CAMTA1: variants seen among roughly 807,000 people sequenced by gnomAD.
The protein encoded by CAMTA1 is calmodulin-binding transcription activator 1.
A neutral mutation model predicts 170.9 loss-of-function variants in CAMTA1; 27 were observed. The observed-to-expected ratio is 0.16, with a 90% CI of 0.12 to 0.22. The LOEUF (loss-of-function observed/expected upper bound fraction) is 0.22, where lower values mean the gene tolerates loss of function less well. Ranked by LOEUF, CAMTA1 falls within the 10% of genes least tolerant of loss-of-function variation. CAMTA1 has a pLI of 1.00. For synonymous variants in CAMTA1, 833 were observed against 891.5 expected, an observed-to-expected ratio of 0.93 and a Z score of 1.17; for missense variants, 1,619 against 2,217.2, an observed-to-expected ratio of 0.73 and a Z score of 5.42.
intron 6 of CAMTA1, among the ~76,000 whole-genome samples, chr1:7,579,948 C>T (rs1359838352): frequency 3.3e-5 from 5 of 152,234 alleles, no homozygotes; most frequent in Non-Finnish European, 4.4e-5. Context: ...AGATCTGGGT[C>T]GTGGCACCCA....
intron 5 of CAMTA1, among the ~76,000 whole-genome samples, chr1:7,372,145 T>C (rs558938607): frequency 1.3e-5 from 2 of 152,302 alleles, no homozygotes; most frequent in Non-Finnish European, 2.9e-5. Flanking sequence ...GGGTTGAGGC[T>C]GCCAGGCTTA....
Position 7,041,706 on chromosome 1 carries a change from G to A in CAMTA1, c.235-49598G>A, listed in dbSNP as rs931913590. Among the ~76,000 whole-genome samples the A allele has an allele frequency of 3.3e-5, 5 of 152,190 alleles. No homozygotes were observed. Among genetic ancestry groups the A allele is most frequent in the Non-Finnish European group, 7.3e-5 (5 of 68,032 alleles). On this transcript the variant is annotated intron_variant, in intron 3 of 22. Transcript: ENST00000303635. This position sits in a 1 kb window ranked among gnomAD's most constrained non-coding sequence, Gnocchi z 5.1. Reference sequence around the variant, plus strand: ...CAGAAAGGTTTGCTGACGTCTCCTCGTAGATAAAGGAAAATTGAGACGATA... The same window carrying A: ...CAGAAAGGTTTGCTGACGTCTCCTCATAGATAAAGGAAAATTGAGACGATA...
chr1:7,419,047 C>T (rs1277489220), intron 5 of CAMTA1, among the ~76,000 whole-genome samples: 1 of 152,258 alleles, frequency 6.6e-6, no homozygotes, highest in East Asian at 1.9e-4. Flanking sequence ...GTATTCCTAA[C>T]CTCAGAGCTC....
intron 11 of CAMTA1, among the ~76,000 whole-genome samples, chr1:7,720,231 C>G (rs2096640599): frequency 6.6e-6 from 1 of 152,212 alleles, no homozygotes; most frequent in Admixed American, 6.5e-5. Context: ...AACAGTTGAA[C>G]CTGGCTGACT....
intron 3 of CAMTA1, among the ~76,000 whole-genome samples, chr1:6,989,054 G>A (rs2100380887): frequency 6.6e-6 from 1 of 152,322 alleles, no homozygotes; most frequent in African/African-American, 2.4e-5. Context: ...TAAGGCAGGA[G>A]GGGCAGGGGA....
chr1:7,366,848 G>A (rs991632148), intron 5 of CAMTA1, among the ~76,000 whole-genome samples: 3 of 152,198 alleles, frequency 2.0e-5, no homozygotes, highest in Admixed American at 6.5e-5. Context: ...AGGGGGAGCA[G>A]CCGATTTCTG....
At chr1:7,287,171 G>T (rs1672461983) in intron 5 of CAMTA1, among the ~76,000 whole-genome samples, 1 of 152,192 alleles carries the variant, frequency 6.6e-6, no homozygotes, top group Non-Finnish European at 1.5e-5. Flanking sequence ...AGAGAGAGAG[G>T]TGCTACCGAG....
At chr1:7,639,710 G>T (rs1208298315) in intron 6 of CAMTA1, among the ~76,000 whole-genome samples, 1 of 152,046 alleles carries the variant, frequency 6.6e-6, no homozygotes, top group African/African-American at 2.4e-5. Flanking sequence ...TGCAGAGGTT[G>T]CAGTGAACTG....
chr1:6,984,703 T>C (rs1410701170), intron 3 of CAMTA1, among the ~76,000 whole-genome samples: 1 of 152,224 alleles, frequency 6.6e-6, no homozygotes, highest in Non-Finnish European at 1.5e-5. Context: ...CGGATGGCCA[T>C]TGACTCTCTC....
At chr1:7,199,664 T>C (rs1573844094) in intron 4 of CAMTA1, among the ~76,000 whole-genome samples, 1 of 146,742 alleles carries the variant, frequency 6.8e-6, no homozygotes, top group South Asian at 2.3e-4. Context: ...AGTTTCTCAG[T>C]GTGGCTGAAA....
At chr1:7,618,392 A>G (rs1558010607) in intron 6 of CAMTA1, among the ~76,000 whole-genome samples, 1 of 152,072 alleles carries the variant, frequency 6.6e-6, no homozygotes, top group African/African-American at 2.4e-5. Context: ...TCCCAATTCT[A>G]TGCCCACTCC....
At chr1:7,398,193 C>CTCTCTCTA (rs1557651862) in intron 5 of CAMTA1, among the ~76,000 whole-genome samples, 8 of 16,896 alleles carry the variant, frequency 4.7e-4, no homozygotes, top group African/African-American at 1.2e-3. Context: ...CTCTCTCTCT[C>CTCTCTCTA]TATATATATA....
intron 4 of CAMTA1, among the ~76,000 whole-genome samples, chr1:7,155,283 C>T (rs1221008241): frequency 3.3e-5 from 5 of 150,942 alleles, no homozygotes; most frequent in East Asian, 2.0e-4. Context: ...CTCAAAGCCT[C>T]GTCATGCCGG....
chr1:7,068,616 A>G (rs1709271880), intron 3 of CAMTA1, among the ~76,000 whole-genome samples: 1 of 151,724 alleles, frequency 6.6e-6, no homozygotes, highest in African/African-American at 2.4e-5. Context: ...CCATTTATAA[A>G]TAATCTGGAC....
chr1:6,974,667 G>A (rs538273366), intron 3 of CAMTA1, among the ~76,000 whole-genome samples: 141 of 152,280 alleles, frequency 9.3e-4, no homozygotes, highest in South Asian at 1.7e-3. Context: ...CCTGCCGCAC[G>A]GACGTCCTGG....
chr1:7,609,604 G>A lies in CAMTA1; in HGVS notation c.511-30796G>A, dbSNP rs1158786637. On this transcript the variant is annotated intron_variant, in intron 6 of 22. Coordinates refer to ENST00000303635, the MANE Select transcript of CAMTA1 (RefSeq NM_015215.4). The surrounding 1 kb of genome is among the most constrained non-coding windows in gnomAD (Gnocchi z 4.4). Reference sequence around the variant, plus strand: ...AGCCAGGCCATGGCACAAAAGGGGAGGGGAGCAGGGTCCTGGCTGTCACCC... The same window carrying A: ...AGCCAGGCCATGGCACAAAAGGGGAAGGGAGCAGGGTCCTGGCTGTCACCC... Among the ~76,000 whole-genome samples, 3 of 152,194 alleles carry A rather than the reference G, an allele frequency of 2.0e-5. No individual in the cohort carries two copies. Among genetic ancestry groups the A allele is most frequent in the Non-Finnish European group, 4.4e-5 (3 of 68,018 alleles).
chr1:7,178,324 G>A (rs1651384779), intron 4 of CAMTA1, among the ~76,000 whole-genome samples: 2 of 152,086 alleles, frequency 1.3e-5, no homozygotes, highest in South Asian at 4.1e-4. Flanking sequence ...GTTATCCCCC[G>A]TTTGTCTCTG....
intron 1 of CAMTA1, 72 bp downstream of exon 1, chr1:6,785,647 G>A: frequency 2.3e-6 from 2 of 877,310 alleles, no homozygotes; most frequent in Non-Finnish European, 2.8e-6. Context: ...CGGACATCCC[G>A]GGCATCGGCG....
At chr1:6,931,209 G>A (rs1684355791) in intron 3 of CAMTA1, among the ~76,000 whole-genome samples, 1 of 152,154 alleles carries the variant, frequency 6.6e-6, no homozygotes, top group South Asian at 2.1e-4. Context: ...TGTGCCTGTG[G>A]GTGTGGGTAA....
Sources: allele counts gnomAD v4.1 joint callset (sites outside exome capture counted in the v4.1 genomes callset), GRCh38; gene constraint gnomAD v4.1.1; non-coding constraint Gnocchi (gnomAD v3.1); transcripts MANE v1.5; gene names NCBI Gene and HGNC (gene_info 2026-07-23, HGNC 2026-07-21).